Variants in PHF8 observed in about 807,000 individuals in gnomAD.
PHF8 encodes PHD finger protein 8.
PHF8 carries 9 observed loss-of-function variants against 74.4 expected under a neutral mutation model. The ratio of observed to expected loss-of-function variants is 0.12; its 90% CI spans 0.07 to 0.21. PHF8 has a LOEUF of 0.21. Among genes scored for constraint, PHF8 ranks in the 10% least tolerant of loss-of-function variants. The pLI is 1.00. For synonymous variants in PHF8, 311 were observed against 316.6 expected (o/e 0.98, Z 0.19); for missense variants, 478 against 816.6 (o/e 0.59, Z 5.05).
At chrX:54,006,100 G>A (rs1417867661) in intron 8 of PHF8, among the ~76,000 whole-genome samples, 1 of 112,275 alleles carries the variant, frequency 8.9e-6, no homozygotes, top group Non-Finnish European at 1.9e-5. Flanking sequence ...ATCAATGTAT[G>A]AAGAGAAATA....
rs1292436008 is a variant in PHF8, at chrX:53,938,313, C to CCAGCCA, written c.*839_*844dup. ...GAGATGGTTTTCCACCTGCCAGGGC[C>CCAGCCA]CAGCCACAGCCACAGCCACAGCCAC... On this transcript the variant is annotated 3_prime_UTR_variant, in exon 22 of 22. Transcript: ENST00000338154. The CCAGCCA allele has an allele frequency of 7.1e-5, 72 of 1,007,832 alleles. No individual in the cohort carries two copies. The highest frequency in any genetic ancestry group is 3.6e-4 in the South Asian group (11 of 30,213). The allele number at this position is 1,007,832 out of a possible 1,213,427, so 83.1% of individuals were successfully genotyped here. A position where few individuals can be genotyped will look rare whatever the true frequency, so the allele number is the denominator to read the frequency against.
chrX:54,003,104 C>T (rs782504484), intron 8 of PHF8, among the ~76,000 whole-genome samples: 11 of 111,948 alleles, frequency 9.8e-5, no homozygotes, highest in Non-Finnish European at 1.9e-4. Flanking sequence ...TTTTTGAAAA[C>T]AGTTTTCATA....
intron 19 of PHF8, among the ~76,000 whole-genome samples, chrX:53,957,713 A>G (rs1263134125): frequency 1.8e-5 from 2 of 111,549 alleles, no homozygotes; most frequent in African/African-American, 6.5e-5. Context: ...ACACAATTTC[A>G]GCCAAATAGA....
chrX:53,978,482 C>T lies in PHF8; in HGVS notation c.2443+6432G>A, dbSNP rs782681306. The stretch of plus-strand genomic sequence containing the variant: ...TAAAAAAGAACAAGCTTTTGATATG[C>T]AACAACATGAATGAATATTAAAGCC... On this transcript the variant is annotated intron_variant, in intron 18 of 21. Transcript: ENST00000338154. Among the ~76,000 whole-genome samples the T allele has an allele frequency of 3.6e-5, 4 of 111,485 alleles. No individual in the cohort carries two copies. The South Asian group carries it at 1.5e-3, about 42-fold the overall frequency.
At position 54,022,768 on chromosome X, in the gene PHF8, C is replaced by T. The variant is rs782709448; in HGVS notation, c.174G>A (p.Gly58=). 8.6e-7 allele frequency: 1 copy of T among 1,159,207 alleles called. No individual in the cohort carries two copies. The highest frequency in any genetic ancestry group is 1.2e-6 in the Non-Finnish European group (1 of 847,889). Residue 58 remains glycine, a synonymous_variant, in exon 3 of 22, where the codon GGG becomes GGA. Transcript: ENST00000338154. ...YHCPNCEVLH[G]PSIMKKRRGS... ...CTAAGATCTACTTACTAATGGAGGG[C>T]CCATGCAAGACTTCACAGTTGGGGC...
intron 19 of PHF8, chrX:53,944,507 C>A (rs2064801805): frequency 3.0e-6 from 1 of 334,082 alleles, no homozygotes; most frequent in African/African-American, 2.6e-5. Flanking sequence ...ATGGTTCATG[C>A]CTGTAATCCC....
intron 4 of PHF8, among the ~76,000 whole-genome samples, chrX:54,019,226 G>A (rs2066123507): frequency 9.0e-6 from 1 of 110,943 alleles, no homozygotes; most frequent in Non-Finnish European, 1.9e-5. Context: ...GGGAGGCCAA[G>A]GAAGGCAGAT....
intron 7 of PHF8, among the ~76,000 whole-genome samples, chrX:54,011,891 A>C (rs57162023): frequency 0.12 from 12,819 of 108,189 alleles, 845 homozygotes; most frequent in African/African-American, 0.23. Context: ...AGAAAGAAAC[A>C]AAAACCCAGT....
intron 18 of PHF8, among the ~76,000 whole-genome samples, chrX:53,983,244 T>C (rs1328891884): frequency 9.1e-6 from 1 of 109,512 alleles, no homozygotes; most frequent in Non-Finnish European, 1.9e-5. Flanking sequence ...TAGAAAGACA[T>C]AATAAAATTA....
chrX:53,950,028 A>AT (rs1557086507), intron 19 of PHF8, among the ~76,000 whole-genome samples: 2 of 110,567 alleles, frequency 1.8e-5, no homozygotes, highest in Non-Finnish European at 3.8e-5. Flanking sequence ...GTCAGGATAA[A>AT]TTTTTTCAGA....
rs1048820212 is a variant in PHF8 at position 53,938,782 on chromosome X, C to T, written c.*376G>A. 1.3e-6 allele frequency: 1 copy of T among 781,003 alleles called. No individual in the cohort carries two copies. Among genetic ancestry groups the T allele is most frequent in the East Asian group, 1.2e-4 (1 of 8,463 alleles). 64.4% of individuals were successfully genotyped at this position (781,003 alleles called of 1,213,427 possible). On this transcript the variant is annotated 3_prime_UTR_variant, in exon 22 of 22. Transcript: ENST00000338154. ...CAGAAAGTGTCAAGCACTGGGCTTC[C>T]CACTTCATGGCTCAGGCTCCTTCAT...
intron 18 of PHF8, among the ~76,000 whole-genome samples, chrX:53,971,621 CAG>C (rs1230718499): frequency 2.7e-5 from 3 of 111,615 alleles, no homozygotes; most frequent in African/African-American, 9.8e-5. Context: ...GAAAATCAAA[CAG>C]ACACAACCAG....
At chrX:53,979,955 C>T (rs1159919590) in intron 18 of PHF8, among the ~76,000 whole-genome samples, 2 of 111,290 alleles carry the variant, frequency 1.8e-5, no homozygotes, top group African/African-American at 6.5e-5. Context: ...CGCCACTACA[C>T]TCCAGCCTGG....
At chrX:53,974,718 C>G (rs1181442763) in intron 18 of PHF8, among the ~76,000 whole-genome samples, 1 of 112,309 alleles carries the variant, frequency 8.9e-6, no homozygotes, top group Non-Finnish European at 1.9e-5. Context: ...GCATGGAATA[C>G]TATGCAGTCA....
chrX:53,942,046 C>T (rs897623359), intron 20 of PHF8, among the ~76,000 whole-genome samples: 2 of 111,747 alleles, frequency 1.8e-5, no homozygotes, highest in Non-Finnish European at 3.8e-5. Context: ...GCTACCTTTG[C>T]TGCCAATCTC....
intron 6 of PHF8, among the ~76,000 whole-genome samples, chrX:54,015,343 G>A (rs1211887877): frequency 9.0e-6 from 1 of 110,579 alleles, no homozygotes; most frequent in Non-Finnish European, 1.9e-5. Flanking sequence ...TTGGGAGGCC[G>A]AGGTGGGTGG....
chrX:54,037,895 G>A (rs2066490216), intron 2 of PHF8, among the ~76,000 whole-genome samples: 1 of 112,475 alleles, frequency 8.9e-6, no homozygotes. Context: ...AGGCTTCACA[G>A]ATAAGAAATT....
intron 18 of PHF8, among the ~76,000 whole-genome samples, chrX:53,969,830 C>A (rs1033419926): frequency 8.9e-6 from 1 of 111,835 alleles, no homozygotes; most frequent in Non-Finnish European, 1.9e-5. Context: ...CCACTTATAG[C>A]CCACTCACTT....
intron 18 of PHF8, among the ~76,000 whole-genome samples, chrX:53,977,875 T>C (rs782435994): frequency 1.6e-3 from 171 of 107,958 alleles, no homozygotes; most frequent in African/African-American, 5.4e-3. Flanking sequence ...CTCAATCTCC[T>C]GACCTCGTGA....
Sources: gnomAD v4.1 joint callset for allele counts (sites outside exome capture counted in the v4.1 genomes callset) on GRCh38, gnomAD v4.1.1 for gene constraint, MANE v1.5 for transcripts, NCBI Gene and HGNC (gene_info 2026-07-23, HGNC 2026-07-21) for gene names.